Variants in ZNF345 observed in about 807,000 individuals in gnomAD.
ZNF345 encodes the protein zinc finger protein 345.
For missense variants in ZNF345, 527 were observed against 589.9 expected (o/e 0.89, Z 1.10); for synonymous variants, 166 against 187.9 (o/e 0.88, Z 0.95).
intron 3 of ZNF345, among the ~76,000 whole-genome samples, chr19:36,886,009 G>A (rs190801484): frequency 5.3e-5 from 8 of 152,136 alleles, no homozygotes; most frequent in Admixed American, 2.6e-4. Flanking sequence ...CTTTCAGGGC[G>A]TTCACAACAG....
chr19:36,881,482 ATATC>A (rs1426131794), downstream of ZNF345, among the ~76,000 whole-genome samples: 6 of 152,178 alleles, frequency 3.9e-5, no homozygotes, highest in Non-Finnish European at 5.9e-5. Context: ...AGCAAAAACT[ATATC>A]TAGGAAGGCT....
At position 36,876,888 on chromosome 19, in the gene ZNF345, T is replaced by C; in HGVS notation, c.58T>C (p.Cys20Arg). Residue 20 changes from cysteine to arginine, a missense_variant, in exon 3 of 3, where the codon TGT becomes CGT. Coordinates refer to ENST00000420450, the MANE Select transcript of ZNF345 (RefSeq NM_001242472.2). ...ECSSFRGDWECKNQFERKQGS... is the reference protein window; with the variant it reads ...ECSSFRGDWERKNQFERKQGS... ...TTCAAGTTTCAGAGGTGATTGGGAA[T>C]GTAAAAACCAGTTTGAGAGAAAACA... The C allele has an allele frequency of 1.2e-6, 2 of 1,614,022 alleles. No homozygotes were observed. The highest frequency in any genetic ancestry group is 1.7e-6 in the Non-Finnish European group (2 of 1,179,948).
chr19:36,885,028 G>A (rs1284814058), intron 3 of ZNF345, among the ~76,000 whole-genome samples: 1 of 152,060 alleles, frequency 6.6e-6, no homozygotes, highest in African/African-American at 2.4e-5. Flanking sequence ...GTCAGAGATA[G>A]GCTATATTTA....
At chr19:36,865,163 C>T (rs117240178) in intron 2 of ZNF345, among the ~76,000 whole-genome samples, 2,053 of 152,272 alleles carry the variant, frequency 0.013, 17 homozygotes, top group Middle Eastern at 0.041. Flanking sequence ...AGCCGCCTGC[C>T]AGCAAGCATG....
chr19:36,859,514 T>G (rs2072499774), intron 2 of ZNF345, among the ~76,000 whole-genome samples: 1 of 151,902 alleles, frequency 6.6e-6, no homozygotes, highest in Admixed American at 6.6e-5. Flanking sequence ...ATTTTGAGAT[T>G]CTTTTTTTGT....
intron 2 of ZNF345, among the ~76,000 whole-genome samples, chr19:36,866,637 C>T (rs2072665998): frequency 6.6e-6 from 1 of 152,190 alleles, no homozygotes; most frequent in Non-Finnish European, 1.5e-5. Context: ...GCAACCTCCA[C>T]CTCCCGATTC....
chr19:36,850,683 T>G (rs2072240730), upstream of ZNF345: 2 of 152,150 alleles, frequency 1.3e-5, no homozygotes, highest in African/African-American at 4.8e-5. Flanking sequence ...CCCGGAAGGC[T>G]CCGATGGGCA....
downstream of ZNF345, chr19:36,893,147 G>A (rs546751675): frequency 3.6e-4 from 143 of 395,166 alleles, no homozygotes; most frequent in Non-Finnish European, 4.7e-4. Flanking sequence ...GGCGGGTGGA[G>A]TTCAGTGACT....
At chr19:36,882,354 G>A (rs867916074), downstream of ZNF345, among the ~76,000 whole-genome samples, 6 of 151,788 alleles carry the variant, frequency 4.0e-5, no homozygotes, top group South Asian at 1.0e-3. Context: ...TGCAACCTCC[G>A]CCTCCCAGGT....
chr19:36,876,800 T>G lies in ZNF345; in HGVS notation c.-31T>G. On this transcript the variant is annotated 5_prime_UTR_variant, in exon 3 of 3. The change abolishes the stop of an existing upstream ORF in the 5' untranslated region. Coordinates refer to ENST00000420450, the MANE Select transcript of ZNF345 (RefSeq NM_001242472.2). The stretch of plus-strand genomic sequence containing the variant: ...TTTCTTTCAGACTATGAATCAAAGT[T>G]GAGACCAAGAAATTATTTCTGAAAA... 1.9e-6 allele frequency: 3 copies of G among 1,547,570 alleles called. No individual in the cohort carries two copies. The highest frequency in any genetic ancestry group is 2.6e-6 in the Non-Finnish European group (3 of 1,151,738).
In ZNF345 at chr19:36,877,858, A is replaced by G; in HGVS notation, c.1028A>G (p.Glu343Gly). 6.2e-7 allele frequency: 1 copy of G among 1,612,296 alleles called. No homozygotes were observed. The highest frequency in any genetic ancestry group is 2.2e-5 in the East Asian group (1 of 44,766). Residue 343 changes from glutamate to glycine, a missense_variant, in exon 3 of 3, where the codon GAA (glutamate) becomes GGA (glycine). By Grantham distance (98) the Glu-to-Gly change is moderately conservative. Transcript: ENST00000420450. ...ATGCATACTGGAGAGAAACCTTATG[A>G]ATGTAAGGAATGTGGGAAGACCTTT... ...QRMHTGEKPY[E>G]CKECGKTFSS... is the part of the protein sequence containing the mutation.
intron 3 of ZNF345, chr19:36,891,488 T>A (rs780335686): frequency 1.3e-6 from 2 of 1,533,226 alleles, no homozygotes; most frequent in African/African-American, 2.8e-5. Flanking sequence ...TACTTTACTG[T>A]CATTCAACCA....
At chr19:36,879,828 T>A (rs565002587), downstream of ZNF345, among the ~76,000 whole-genome samples, 29 of 152,222 alleles carry the variant, frequency 1.9e-4, no homozygotes, top group Non-Finnish European at 4.0e-4. Flanking sequence ...CCTTATTGTG[T>A]GGATTCTATA....
chr19:36,878,065 C>G lies in ZNF345; in HGVS notation c.1235C>G (p.Ala412Gly), dbSNP rs1298480441. The change falls in exon 3 of 3, where the codon GCT (alanine) becomes GGT (glycine). Residue 412 changes from alanine to glycine, a missense_variant. Ala to Gly is a moderately conservative substitution (Grantham distance 60). Transcript: ENST00000420450. Reference sequence around the variant, plus strand: ...GGAAAGTCCTTTAGTAGTGGTTCAGCTCTTAATCGGCACCAGAGAATACAC... The same window carrying G: ...GGAAAGTCCTTTAGTAGTGGTTCAGGTCTTAATCGGCACCAGAGAATACAC... ...ECGKSFSSGS[A>G]LNRHQRIHTG... The G allele has an allele frequency of 8.1e-6, 13 of 1,612,034 alleles. No individual in the cohort carries two copies. The highest frequency in any genetic ancestry group is 1.1e-5 in the Non-Finnish European group (13 of 1,179,518).
chr19:36,864,881 C>A (rs1180872920), intron 2 of ZNF345, among the ~76,000 whole-genome samples: 1 of 152,100 alleles, frequency 6.6e-6, no homozygotes, highest in African/African-American at 2.4e-5. Flanking sequence ...TTGCCTTAGC[C>A]ATGTCCTGTT....
At chr19:36,874,291 C>T (rs546578998) in intron 2 of ZNF345, among the ~76,000 whole-genome samples, 3 of 152,096 alleles carry the variant, frequency 2.0e-5, no homozygotes, top group South Asian at 2.1e-4. Flanking sequence ...GTCAAGAGTT[C>T]GAGACCAGCC....
chr19:36,863,823 T>A (rs112326521), intron 2 of ZNF345, among the ~76,000 whole-genome samples: 2,596 of 152,338 alleles, frequency 0.017, 81 homozygotes, highest in African/African-American at 0.059. Context: ...AATGGTCAAG[T>A]ACAGCAACTA....
intron 2 of ZNF345, among the ~76,000 whole-genome samples, chr19:36,855,539 CTG>C (rs1412595679): frequency 7.0e-6 from 1 of 142,200 alleles, no homozygotes; most frequent in Admixed American, 7.4e-5. Flanking sequence ...ATCACAACCT[CTG>C]TCTCCTGTTC....
At chr19:36,885,884 C>G (rs1343371896) in intron 3 of ZNF345, among the ~76,000 whole-genome samples, 1 of 152,092 alleles carries the variant, frequency 6.6e-6, no homozygotes, top group Non-Finnish European at 1.5e-5. Context: ...TTCTTTCCCC[C>G]CAGTTATATT....
Sources: allele counts gnomAD v4.1 joint callset (sites outside exome capture counted in the v4.1 genomes callset), GRCh38; gene constraint gnomAD v4.1.1; transcripts MANE v1.5; gene names NCBI Gene and HGNC (gene_info 2026-07-23, HGNC 2026-07-21).